The following RBFOX1 variants were observed in gnomAD, a reference collection of about 807,000 sequenced individuals.
RBFOX1 encodes the protein RNA binding fox-1 homolog 1.
A neutral mutation model predicts 57.7 loss-of-function variants in RBFOX1; 8 were observed. That is an observed-to-expected ratio of 0.14 (90% CI 0.08 to 0.25). The LOEUF is 0.25. Among genes scored for constraint, RBFOX1 ranks in the 10% least tolerant of loss-of-function variants. RBFOX1 has a pLI of 1.00. For missense variants in RBFOX1, 611 were observed against 548.5 expected (o/e 1.11, Z -1.14); for synonymous variants, 326 against 222.4 (o/e 1.47, Z -4.15).
chr16:7,661,749 A>G (rs1231886286), intron 12 of RBFOX1, among the ~76,000 whole-genome samples: 2 of 152,212 alleles, frequency 1.3e-5, no homozygotes, highest in Non-Finnish European at 1.5e-5. Flanking sequence ...ACAGAGAAAT[A>G]GTATGTATTT....
At chr16:5,960,704 G>C (rs1181402438) in intron 4 of RBFOX1, among the ~76,000 whole-genome samples, 1 of 152,108 alleles carries the variant, frequency 6.6e-6, no homozygotes, top group African/African-American at 2.4e-5. Context: ...CAACTTCACA[G>C]AGCCCAGCCG....
At chr16:5,906,983 T>C (rs1356561344) in intron 4 of RBFOX1, among the ~76,000 whole-genome samples, 2 of 151,968 alleles carry the variant, frequency 1.3e-5, no homozygotes, top group Non-Finnish European at 2.9e-5. Flanking sequence ...GTGATCCACC[T>C]GCCTCGGCCT....
intron 1 of RBFOX1, among the ~76,000 whole-genome samples, chr16:5,375,839 C>G (rs938995036): frequency 1.3e-5 from 2 of 152,162 alleles, no homozygotes; most frequent in African/African-American, 4.8e-5. Flanking sequence ...CATAAGTGCC[C>G]TTTGCGATAA....
At chr16:6,765,665 G>A (rs1427913782) in intron 3 of RBFOX1, among the ~76,000 whole-genome samples, 1 of 152,146 alleles carries the variant, frequency 6.6e-6, no homozygotes, top group Non-Finnish European at 1.5e-5. Flanking sequence ...TCTCTACCCA[G>A]AGGAAAGATG....
intron 4 of RBFOX1, among the ~76,000 whole-genome samples, chr16:7,357,983 G>C (rs2097250962): frequency 6.6e-6 from 1 of 152,148 alleles, no homozygotes; most frequent in African/African-American, 2.4e-5. Flanking sequence ...TCATCTGCCT[G>C]AGAATCACGT....
intron 4 of RBFOX1, among the ~76,000 whole-genome samples, chr16:7,076,125 T>A (rs939848591): frequency 7.3e-5 from 11 of 150,348 alleles, no homozygotes; most frequent in African/African-American, 2.5e-4. Flanking sequence ...CACTGCAACC[T>A]CTGCCTCCCG....
intron 2 of RBFOX1, among the ~76,000 whole-genome samples, chr16:6,393,590 TG>T (rs2092698984): frequency 1.3e-5 from 2 of 152,196 alleles, no homozygotes; most frequent in South Asian, 2.1e-4. Flanking sequence ...CTTTCAATCT[TG>T]GGGTATCTCC....
At chr16:7,559,639 A>C (rs1434061623) in intron 5 of RBFOX1, among the ~76,000 whole-genome samples, 1 of 152,186 alleles carries the variant, frequency 6.6e-6, no homozygotes, top group Non-Finnish European at 1.5e-5. Context: ...TGTGCTTTCC[A>C]AGGTGGATAT....
intron 3 of RBFOX1, among the ~76,000 whole-genome samples, chr16:6,976,741 T>C (rs2086969142): frequency 6.9e-6 from 1 of 145,436 alleles, no homozygotes; most frequent in East Asian, 2.0e-4. Flanking sequence ...GTATCATACA[T>C]ATATATCATG....
intron 1 of RBFOX1, among the ~76,000 whole-genome samples, chr16:5,438,614 G>C (rs187155949): frequency 1.8e-4 from 28 of 152,188 alleles, no homozygotes; most frequent in Admixed American, 4.6e-4. Flanking sequence ...TAGACCACAC[G>C]GGTTTCACCT....
At chr16:7,516,243 AG>A (rs1333264189) in intron 4 of RBFOX1, among the ~76,000 whole-genome samples, 1 of 152,146 alleles carries the variant, frequency 6.6e-6, no homozygotes, top group African/African-American at 2.4e-5. Flanking sequence ...GCAAAATCCC[AG>A]GGTGACTGGG....
chr16:7,143,446 C>G (rs2074264905), intron 4 of RBFOX1, among the ~76,000 whole-genome samples: 1 of 152,076 alleles, frequency 6.6e-6, no homozygotes, highest in Non-Finnish European at 1.5e-5. Context: ...AAATGTGCCT[C>G]AGTAATTTAG....
intron 4 of RBFOX1, among the ~76,000 whole-genome samples, chr16:7,275,906 G>T (rs1411007682): frequency 6.6e-6 from 1 of 152,100 alleles, no homozygotes; most frequent in Non-Finnish European, 1.5e-5. Flanking sequence ...TGTAAGACTT[G>T]GTGTTGCTGA....
chr16:6,557,048 T>TA (rs1441553523), intron 2 of RBFOX1, among the ~76,000 whole-genome samples: 18 of 121,180 alleles, frequency 1.5e-4, no homozygotes, highest in African/African-American at 8.4e-4. Context: ...TATATATACA[T>TA]ATATATACAT....
intron 14 of RBFOX1, among the ~76,000 whole-genome samples, chr16:7,679,529 C>G (rs532065830): frequency 6.6e-6 from 1 of 152,290 alleles, no homozygotes; most frequent in East Asian, 1.9e-4. Flanking sequence ...AACAAACTTT[C>G]CCTGTAATCA....
intron 2 of RBFOX1, among the ~76,000 whole-genome samples, chr16:5,546,419 T>G (rs1367794009): frequency 1.3e-5 from 2 of 152,208 alleles, no homozygotes; most frequent in African/African-American, 4.8e-5. Context: ...ATTTAAAGAT[T>G]TATTACAAAG....
chr16:6,695,114 T>C, intron 3 of RBFOX1, among the ~76,000 whole-genome samples: 1 of 151,628 alleles, frequency 6.6e-6, no homozygotes, highest in East Asian at 1.9e-4. Context: ...AATATTACTG[T>C]GTGTAAAAAG....
At chr16:5,658,364 C>T (rs2049524684) in intron 3 of RBFOX1, among the ~76,000 whole-genome samples, 1 of 152,174 alleles carries the variant, frequency 6.6e-6, no homozygotes, top group East Asian at 1.9e-4. Flanking sequence ...GGGACCCAGG[C>T]TGTCCTTCCT....
intron 3 of RBFOX1, among the ~76,000 whole-genome samples, chr16:6,815,130 G>T (rs147893264): frequency 1.6e-4 from 24 of 152,276 alleles, no homozygotes; most frequent in African/African-American, 5.1e-4. Context: ...TAACTTCCGG[G>T]TGTTGCTACA....
Sources: allele counts gnomAD v4.1 joint callset (sites outside exome capture counted in the v4.1 genomes callset), GRCh38; gene constraint gnomAD v4.1.1; transcripts MANE v1.5; gene names NCBI Gene and HGNC (gene_info 2026-07-23, HGNC 2026-07-21).